PSPC1: variants seen among roughly 807,000 people sequenced by gnomAD.
PSPC1 encodes the protein paraspeckle protein 1.
PSPC1 carries 14 observed loss-of-function variants against 51.6 expected under a neutral mutation model. The ratio of observed to expected loss-of-function variants is 0.27; its 90% confidence interval spans 0.18 to 0.42. The LOEUF (loss-of-function observed/expected upper bound fraction) is 0.42. Ranked by LOEUF, PSPC1 falls within the 10% of genes least tolerant of loss-of-function variation. The pLI, the probability that PSPC1 is intolerant of heterozygous loss-of-function variation, is 1.00. For synonymous variants in PSPC1, 193 were observed against 231.9 expected (o/e 0.83, Z 1.53); for missense variants, 406 against 701.1 (o/e 0.58, Z 4.75).
Position 19,703,197 on chromosome 13 carries a change from G to C in PSPC1, c.1550C>G (p.Pro517Arg). 1.2e-6 allele frequency: 2 copies of C among 1,613,896 alleles called. No homozygotes were observed. The highest frequency in any genetic ancestry group is 1.7e-6 in the Non-Finnish European group (2 of 1,179,952). ...RGSQGGNFEG[P>R]NKRRRY is the part of the protein sequence containing the mutation. The stretch of plus-strand genomic sequence containing the variant: ...TGTTTAATATCTACGACGCTTATTA[G>C]GGCCTTCAAAGTTGCCCCCTTGACT... The change falls in exon 9 of 9, where the codon CCT (proline) becomes CGT (arginine). Residue 517 changes from proline (P) to arginine (R), a missense_variant. Around this residue, in one of 5 missense-constraint regions of PSPC1, gnomAD observed 34 missense variants for 158.6 expected, o/e 0.21. Coordinates refer to ENST00000338910, the MANE Select transcript of PSPC1 (RefSeq NM_001354909.2).
chr13:19,690,184 A>AT (rs1285929148), intron 6 of PSPC1, among the ~76,000 whole-genome samples: 9 of 152,236 alleles, frequency 5.9e-5, no homozygotes, highest in African/African-American at 1.7e-4. Context: ...CCTTCATCAC[A>AT]TATAATTTTT....
Position 19,782,375 on chromosome 13 carries a change from C to T in PSPC1, c.372+11G>A, listed in dbSNP as rs1890070726. The T allele has an allele frequency of 4.4e-6, 7 of 1,575,294 alleles. No homozygotes were observed. Among genetic ancestry groups the T allele is most frequent in the South Asian group, 1.1e-5 (1 of 87,114 alleles). On this transcript the variant is annotated intron_variant, in intron 1 of 8. Coordinates refer to ENST00000338910, the MANE Select transcript of PSPC1 (RefSeq NM_001354909.2). The surrounding 1 kb of genome is among the most constrained non-coding windows in gnomAD (Gnocchi z 4.5). ...TCCTTTTGTTCCCTCGCGCGGGCGC[C>T]TGACACTCACCAAGCGGATGAAGCC...
intron 5 of PSPC1, among the ~76,000 whole-genome samples, chr13:19,736,613 G>A (rs1265235844): frequency 1.3e-5 from 2 of 152,152 alleles, no homozygotes; most frequent in East Asian, 3.8e-4. Flanking sequence ...AACCTGGGAG[G>A]CAGAGCTTGC....
In PSPC1 at chr13:19,716,508, T is replaced by A. The variant is rs188364161; in HGVS notation, c.1159-6909A>T. 2.9e-3 allele frequency among the ~76,000 whole-genome samples: 442 copies of A among 152,288 alleles called. 5 individuals are homozygous for A. Among genetic ancestry groups the A allele is most frequent in the African/African-American group, 0.01 (430 of 41,566 alleles). On this transcript the variant is annotated intron_variant, in intron 6 of 8. Coordinates refer to ENST00000338910, the MANE Select transcript of PSPC1 (RefSeq NM_001354909.2). ...GGCACAATCAATACTCTTTTTTAGGTCACAGTCAAAATTCTTTATTGATAA... is the reference window on the plus strand; with the variant it reads ...GGCACAATCAATACTCTTTTTTAGGACACAGTCAAAATTCTTTATTGATAA...
chr13:19,675,630 A>T (rs544796599), intron 7 of PSPC1: 1 of 152,318 alleles, frequency 6.6e-6, no homozygotes, highest in Admixed American at 6.5e-5. Flanking sequence ...CACGAACAGG[A>T]TATTTCCCAC....
rs145278610 is a variant in PSPC1, at chr13:19,708,790, T to C, written c.1216+752A>G. Among the ~76,000 whole-genome samples the C allele has an allele frequency of 6.1e-3, 927 of 152,258 alleles. 5 individuals carry two copies. The highest frequency in any genetic ancestry group is 0.014 in the Middle Eastern group (4 of 294). ...AGTTACACAAAAAGCTAGTTTAAGA[T>C]AGAAATGTATAAAACGCTCTCCACC... is the stretch of plus-strand genomic sequence containing the variant. On this transcript the variant is annotated intron_variant, in intron 7 of 8. Transcript: ENST00000338910.
chr13:19,735,471 G>A (rs1884671561), intron 5 of PSPC1, among the ~76,000 whole-genome samples: 1 of 152,104 alleles, frequency 6.6e-6, no homozygotes, highest in South Asian at 2.1e-4. Flanking sequence ...GTCTTCCTTT[G>A]GTACCTGCCA....
At chr13:19,730,208 A>C (rs754228639) in intron 6 of PSPC1, 31 bp downstream of exon 6, 8 of 1,577,748 alleles carry the variant, frequency 5.1e-6, no homozygotes, top group Non-Finnish European at 5.2e-6. Context: ...GAAAATATAA[A>C]ATCATTTTAG....
chr13:19,712,606 T>C (rs1026849973), intron 6 of PSPC1, among the ~76,000 whole-genome samples: 1 of 152,162 alleles, frequency 6.6e-6, no homozygotes, highest in African/African-American at 2.4e-5. Context: ...CTTCTGGTGG[T>C]ATATTATAAA....
intron 1 of PSPC1, among the ~76,000 whole-genome samples, chr13:19,774,455 T>G (rs1888903150): frequency 6.6e-6 from 1 of 152,204 alleles, no homozygotes. Flanking sequence ...GTTACCCTTT[T>G]TAGAGATATA....
intron 6 of PSPC1, among the ~76,000 whole-genome samples, chr13:19,686,110 T>C (rs888596518): frequency 1.3e-5 from 2 of 152,188 alleles, no homozygotes; most frequent in African/African-American, 4.8e-5. Context: ...CTCTATTAAG[T>C]AGCTAACGTA....
At position 19,782,341 on chromosome 13, in the gene PSPC1, C is replaced by T; in HGVS notation, c.372+45G>A. 1 of 1,529,412 alleles carries T rather than the reference C, an allele frequency of 6.5e-7. No homozygotes were observed. Among genetic ancestry groups the T allele is most frequent in the Non-Finnish European group, 8.8e-7 (1 of 1,139,550 alleles). The allele number at this position is 1,529,412 out of a possible 1,614,324, so 94.7% of individuals were successfully genotyped here. On this transcript the variant is annotated intron_variant, in intron 1 of 8. Transcript: ENST00000338910. The surrounding 1 kb of genome is among the most constrained non-coding windows in gnomAD (Gnocchi z 4.5). The stretch of plus-strand genomic sequence containing the variant: ...CCTCAGCCCCACGACCCCGCGGCCA[C>T]CCCGACAGTCCTTTTGTTCCCTCGC...
chr13:19,713,628 A>C (rs1021622257), intron 6 of PSPC1, among the ~76,000 whole-genome samples: 1 of 151,808 alleles, frequency 6.6e-6, no homozygotes, highest in African/African-American at 2.4e-5. Flanking sequence ...GGTATTTATA[A>C]GATTGTATGC....
intron 6 of PSPC1, among the ~76,000 whole-genome samples, chr13:19,697,140 T>C (rs992305146): frequency 1.3e-5 from 2 of 152,128 alleles, no homozygotes; most frequent in African/African-American, 4.8e-5. Flanking sequence ...TGAGGCACAA[T>C]ATCTGAAAAC....
downstream of PSPC1, among the ~76,000 whole-genome samples, chr13:19,702,124 G>A (rs1384670395): frequency 6.6e-6 from 1 of 151,984 alleles, no homozygotes; most frequent in African/African-American, 2.4e-5. Context: ...GCATTATCTT[G>A]AAAAACACAA....
intron 6 of PSPC1, among the ~76,000 whole-genome samples, chr13:19,711,362 C>T (rs977066591): frequency 5.3e-5 from 8 of 151,750 alleles, no homozygotes; most frequent in Non-Finnish European, 1.0e-4. Context: ...CTAGGTTGGG[C>T]GCGGTGGCTC....
chr13:19,734,009 A>G (rs749819584), intron 5 of PSPC1, among the ~76,000 whole-genome samples: 24 of 152,128 alleles, frequency 1.6e-4, no homozygotes, highest in Non-Finnish European at 3.2e-4. Context: ...AAAAGTTTAT[A>G]TACCACATTG....
chr13:19,763,582 G>T (rs1887784927), intron 2 of PSPC1, among the ~76,000 whole-genome samples: 1 of 152,186 alleles, frequency 6.6e-6, no homozygotes. Context: ...TGCGCTAGCT[G>T]AAGTTTTCTC....
intron 1 of PSPC1, among the ~76,000 whole-genome samples, chr13:19,774,138 GA>G (rs1888872413): frequency 6.6e-6 from 1 of 152,156 alleles, no homozygotes; most frequent in African/African-American, 2.4e-5. Context: ...CAAGGTAAGA[GA>G]ACTTCCTTCT....
Sources: allele counts gnomAD v4.1 joint callset (sites outside exome capture counted in the v4.1 genomes callset), GRCh38; gene constraint gnomAD v4.1.1; regional missense constraint gnomAD v4.1.1; non-coding constraint Gnocchi (gnomAD v3.1); transcripts MANE v1.5; gene names NCBI Gene and HGNC (gene_info 2026-07-23, HGNC 2026-07-21).